FHIT: variants seen among roughly 807,000 people sequenced by gnomAD.
FHIT encodes the protein fragile histidine triad diadenosine triphosphatase.
A neutral mutation model predicts 17.9 loss-of-function variants in FHIT; 19 were observed. The observed-to-expected ratio is 1.06, with a 90% CI of 0.74 to 1.56. The LOEUF (loss-of-function observed/expected upper bound fraction) is 1.56, where lower values mean the gene tolerates loss of function less well. Ranked by LOEUF, FHIT falls within the 40% of genes most tolerant of loss-of-function variation. FHIT has a pLI of 0.00. For synonymous variants in FHIT, 81 were observed against 69.7 expected (o/e 1.16, Z -0.81); for missense variants, 248 against 189.2 (o/e 1.31, Z -1.82).
At chr3:60,524,670 C>T (rs1394840034) in intron 5 of FHIT, among the ~76,000 whole-genome samples, 3 of 152,170 alleles carry the variant, frequency 2.0e-5, no homozygotes, top group Non-Finnish European at 4.4e-5. Context: ...CTTTGCTGCT[C>T]CAGCTTCTGA....
chr3:59,853,581 A>G (rs78418803), intron 8 of FHIT, among the ~76,000 whole-genome samples: 2,535 of 152,346 alleles, frequency 0.017, 59 homozygotes, highest in African/African-American at 0.047. Context: ...ATTCTTTAAT[A>G]TCACCATGAA....
intron 6 of FHIT, among the ~76,000 whole-genome samples, chr3:60,013,199 T>C (rs372765692): frequency 2.0e-5 from 3 of 152,190 alleles, no homozygotes; most frequent in Admixed American, 1.3e-4. Flanking sequence ...TGAAGCTCTA[T>C]GGTAAAGAGC....
chr3:59,768,545 T>C (rs1701915376), intron 8 of FHIT, among the ~76,000 whole-genome samples: 1 of 152,232 alleles, frequency 6.6e-6, no homozygotes, highest in Non-Finnish European at 1.5e-5. Context: ...TTCTAATTTA[T>C]CTTCCACTCT....
intron 4 of FHIT, among the ~76,000 whole-genome samples, chr3:60,771,988 A>G (rs1553723175): frequency 6.6e-6 from 1 of 152,202 alleles, no homozygotes; most frequent in African/African-American, 2.4e-5. Flanking sequence ...GCAACAGCAG[A>G]TTAGCACTGG....
intron 5 of FHIT, among the ~76,000 whole-genome samples, chr3:60,158,789 C>A (rs1700815917): frequency 6.6e-6 from 1 of 152,126 alleles, no homozygotes; most frequent in Admixed American, 6.5e-5. Flanking sequence ...AAAATTATCC[C>A]CACTTTGTGA....
chr3:59,872,621 G>C (rs542525211), intron 8 of FHIT, among the ~76,000 whole-genome samples: 1 of 152,138 alleles, frequency 6.6e-6, no homozygotes, highest in South Asian at 2.1e-4. Flanking sequence ...ATTTTGAATG[G>C]ATATATAGTT....
chr3:60,016,466 C>T (rs1700348684), intron 5 of FHIT, among the ~76,000 whole-genome samples: 1 of 152,134 alleles, frequency 6.6e-6, no homozygotes. Context: ...GGGCTGGCAA[C>T]CTACTCACTC....
intron 8 of FHIT, among the ~76,000 whole-genome samples, chr3:59,790,406 A>T (rs531488641): frequency 6.6e-5 from 10 of 152,292 alleles, no homozygotes; most frequent in African/African-American, 2.4e-4. Context: ...AGGCATTTTA[A>T]GGTGGCATGC....
At chr3:60,196,107 T>A (rs912339246) in intron 5 of FHIT, among the ~76,000 whole-genome samples, 1 of 152,174 alleles carries the variant, frequency 6.6e-6, no homozygotes, top group East Asian at 1.9e-4. Context: ...TAGTTTATTA[T>A]TGCCGCTGTC....
At chr3:60,831,112 GAAAAT>G (rs1394442875) in intron 3 of FHIT, among the ~76,000 whole-genome samples, 3 of 152,066 alleles carry the variant, frequency 2.0e-5, no homozygotes, top group Non-Finnish European at 4.4e-5. Context: ...AAACAGAAAA[GAAAAT>G]ATTATTAAGT....
At chr3:59,886,029 C>T (rs1304697966) in intron 8 of FHIT, among the ~76,000 whole-genome samples, 1 of 152,208 alleles carries the variant, frequency 6.6e-6, no homozygotes, top group Non-Finnish European at 1.5e-5. Context: ...AACACCATTC[C>T]ATTGGGCAAG....
chr3:60,580,327 C>A (rs2037710943), intron 4 of FHIT, among the ~76,000 whole-genome samples: 1 of 152,010 alleles, frequency 6.6e-6, no homozygotes, highest in South Asian at 2.1e-4. Flanking sequence ...CTTAAGTGAA[C>A]AAAAAATTTA....
intron 3 of FHIT, among the ~76,000 whole-genome samples, chr3:60,966,539 C>T (rs1021351062): frequency 1.1e-4 from 16 of 152,184 alleles, no homozygotes; most frequent in Non-Finnish European, 2.1e-4. Context: ...TGTAGAATGG[C>T]GCTGTTCCTA....
intron 8 of FHIT, among the ~76,000 whole-genome samples, chr3:59,919,681 T>C (rs1055012562): frequency 3.6e-4 from 55 of 152,314 alleles, no homozygotes; most frequent in Admixed American, 2.9e-3. Flanking sequence ...GCAGTAGAAA[T>C]ACAATTACAT....
intron 5 of FHIT, among the ~76,000 whole-genome samples, chr3:60,505,640 G>A (rs1452469191): frequency 1.3e-5 from 2 of 152,076 alleles, no homozygotes. Flanking sequence ...ATGATAATCA[G>A]ACTATGAATT....
intron 5 of FHIT, among the ~76,000 whole-genome samples, chr3:60,202,906 C>T (rs1702981284): frequency 6.6e-6 from 1 of 152,024 alleles, no homozygotes; most frequent in Admixed American, 6.6e-5. Flanking sequence ...ACTCCCATGC[C>T]CTACTTTGTC....
chr3:60,889,142 C>T (rs1705372729), intron 3 of FHIT, among the ~76,000 whole-genome samples: 1 of 152,202 alleles, frequency 6.6e-6, no homozygotes. Context: ...TGCCCTGACT[C>T]ATTCTCCACG....
intron 3 of FHIT, among the ~76,000 whole-genome samples, chr3:60,861,822 T>A: frequency 6.6e-6 from 1 of 151,272 alleles, no homozygotes; most frequent in African/African-American, 2.4e-5. Context: ...AAAAAGCTAG[T>A]TTGTGTAGTC....
intron 3 of FHIT, among the ~76,000 whole-genome samples, chr3:60,982,311 G>A (rs915421289): frequency 6.6e-6 from 1 of 152,220 alleles, no homozygotes; most frequent in African/African-American, 2.4e-5. Flanking sequence ...GCCTGGGTCA[G>A]AATTCTGGGT....
Sources: gnomAD v4.1 joint callset for allele counts (sites outside exome capture counted in the v4.1 genomes callset) on GRCh38, gnomAD v4.1.1 for gene constraint, MANE v1.5 for transcripts, NCBI Gene and HGNC (gene_info 2026-07-23, HGNC 2026-07-21) for gene names.